KCND3: variants seen among roughly 807,000 people sequenced by gnomAD.
KCND3 encodes A-type voltage-gated potassium channel KCND3.
A neutral mutation model predicts 51.1 loss-of-function variants in KCND3; 9 were observed. The observed-to-expected ratio is 0.18, with a 90% CI of 0.11 to 0.31. The LOEUF is 0.31. Ranked by LOEUF, KCND3 falls within the 10% of genes least tolerant of loss-of-function variation. KCND3 has a pLI of 1.00. For synonymous variants in KCND3, 349 were observed against 368.0 expected, an observed-to-expected ratio of 0.95 and a Z score of 0.59; for missense variants, 526 against 903.8, an observed-to-expected ratio of 0.58 and a Z score of 5.36.
chr1:111,840,244 T>C (rs1290560815), intron 2 of KCND3, among the ~76,000 whole-genome samples: 1 of 152,154 alleles, frequency 6.6e-6, no homozygotes, highest in South Asian at 2.1e-4. Context: ...GGTTCCAACA[T>C]ATGAACTTTT....
chr1:111,803,545 C>A (rs1011148308), intron 2 of KCND3, among the ~76,000 whole-genome samples: 1 of 152,150 alleles, frequency 6.6e-6, no homozygotes, highest in Non-Finnish European at 1.5e-5. Flanking sequence ...CTCCTCACCC[C>A]GTCAGAGAAA....
Position 111,777,346 on chromosome 1 carries a change from T to C in KCND3, c.1519-73A>G, listed in dbSNP as rs187410310. 10 of 1,507,664 alleles carry C rather than the reference T, an allele frequency of 6.6e-6. No homozygotes were observed. The Admixed American group carries it at 1.5e-4, about 23-fold the overall frequency. 93.4% of individuals were successfully genotyped at this position (1,507,664 alleles called of 1,614,324 possible). ...GAGAGGTAAGCCCCTATACTCTGTA[T>C]GGCTGCCTGTCTCTGTTCTGGACCT... On this transcript the variant is annotated intron_variant, in intron 6 of 7. Coordinates refer to ENST00000302127, the MANE Select transcript of KCND3 (RefSeq NM_001378969.1).
chr1:111,822,124 C>T (rs1666378350), intron 2 of KCND3, among the ~76,000 whole-genome samples: 1 of 150,138 alleles, frequency 6.7e-6, no homozygotes, highest in African/African-American at 2.5e-5. Context: ...TCTTTTTATT[C>T]TAAAGATTTA....
intron 2 of KCND3, among the ~76,000 whole-genome samples, chr1:111,950,415 A>AGG (rs1335954989): frequency 2.0e-5 from 3 of 152,158 alleles, no homozygotes; most frequent in Non-Finnish European, 2.9e-5. Flanking sequence ...GGATTGGATC[A>AGG]AGTGCAAGAC....
intron 2 of KCND3, among the ~76,000 whole-genome samples, chr1:111,814,702 A>C (rs1666005140): frequency 6.6e-6 from 1 of 152,210 alleles, no homozygotes; most frequent in Admixed American, 6.5e-5. Context: ...GGAGCCTGAA[A>C]GTTATTGCCA....
chr1:111,942,457 G>A (rs946037311), intron 2 of KCND3, among the ~76,000 whole-genome samples: 3 of 152,232 alleles, frequency 2.0e-5, no homozygotes, highest in Non-Finnish European at 4.4e-5. Flanking sequence ...CCGAGTCCAT[G>A]CCAGGCAGGC....
intron 2 of KCND3, among the ~76,000 whole-genome samples, chr1:111,867,635 A>G (rs1445641726): frequency 6.6e-6 from 1 of 152,144 alleles, no homozygotes; most frequent in Non-Finnish European, 1.5e-5. Context: ...TTCTTGCTAA[A>G]GTGTTGATTT....
intron 2 of KCND3, among the ~76,000 whole-genome samples, chr1:111,944,936 T>C (rs1672707752): frequency 6.6e-6 from 1 of 152,222 alleles, no homozygotes; most frequent in Admixed American, 6.5e-5. Context: ...CTGCCAATTG[T>C]CTGCCTGCTT....
At chr1:111,935,532 A>G (rs906134232) in intron 2 of KCND3, among the ~76,000 whole-genome samples, 1 of 152,224 alleles carries the variant, frequency 6.6e-6, no homozygotes, top group African/African-American at 2.4e-5. Flanking sequence ...AACCTTTAGT[A>G]TTTTGGTGAT....
intron 2 of KCND3, among the ~76,000 whole-genome samples, chr1:111,953,453 C>T (rs939648795): frequency 3.3e-5 from 5 of 152,208 alleles, no homozygotes; most frequent in African/African-American, 1.2e-4. Flanking sequence ...AAAGGGAAGG[C>T]GATGTGTCAC....
At chr1:111,958,463 T>C (rs1045445989) in intron 2 of KCND3, among the ~76,000 whole-genome samples, 2 of 152,188 alleles carry the variant, frequency 1.3e-5, no homozygotes, top group African/African-American at 4.8e-5. Flanking sequence ...TGAGCTTCAC[T>C]TAGTTCTCTG....
At chr1:111,965,309 A>C (rs1051343175) in intron 2 of KCND3, among the ~76,000 whole-genome samples, 2 of 151,970 alleles carry the variant, frequency 1.3e-5, no homozygotes, top group African/African-American at 4.8e-5. Flanking sequence ...TGAAGAGGTA[A>C]TCTTCCAAGA....
intron 2 of KCND3, among the ~76,000 whole-genome samples, chr1:111,967,509 A>T (rs1456433640): frequency 1.3e-5 from 2 of 152,160 alleles, no homozygotes; most frequent in African/African-American, 4.8e-5. Context: ...CTGCCAGCTC[A>T]CCGTCAAGTA....
chr1:111,777,403 A>C, intron 6 of KCND3, 130 bp from the exon 7 acceptor site: 1 of 958,144 alleles, frequency 1.0e-6, no homozygotes, highest in Non-Finnish European at 1.7e-6. Context: ...CCCGGATCAC[A>C]GATAAGCATT....
At chr1:111,969,561 T>A (rs61790307) in intron 2 of KCND3, among the ~76,000 whole-genome samples, 1,696 of 152,274 alleles carry the variant, frequency 0.011, 14 homozygotes, top group Non-Finnish European at 0.019. Flanking sequence ...CAGATAATAG[T>A]AATACTGCTC....
chr1:111,774,818 C>T lies in KCND3; in HGVS notation c.*1259G>A, dbSNP rs1415643506. The T allele has an allele frequency of 3.9e-5, 6 of 152,202 alleles. No homozygotes were observed. The highest frequency in any genetic ancestry group is 7.3e-5 in the Non-Finnish European group (5 of 68,092). 9.4% of individuals were successfully genotyped at this position (152,202 alleles called of 1,614,324 possible). ...CTGCCCTCTCTGGAGAAAACTACTCCCGGGGCCTCTTGGAAGGGCTCTGGA... is the reference window on the plus strand; with the variant it reads ...CTGCCCTCTCTGGAGAAAACTACTCTCGGGGCCTCTTGGAAGGGCTCTGGA... On this transcript the variant is annotated 3_prime_UTR_variant, in exon 8 of 8. Coordinates refer to ENST00000302127, the MANE Select transcript of KCND3 (RefSeq NM_001378969.1).
chr1:111,937,828 G>C (rs1012712429), intron 2 of KCND3, among the ~76,000 whole-genome samples: 33 of 152,296 alleles, frequency 2.2e-4, no homozygotes, highest in Admixed American at 2.1e-3. Context: ...TTCTGGGCTG[G>C]GGAGCCAAGA....
Position 111,829,092 on chromosome 1 carries a change from T to C in KCND3, c.1107-41986A>G, listed in dbSNP as rs1405073044. ...AGTTTCACTGTAGTAAGAGAGAAAG[T>C]CATGTGAGCAAATGGTTGCGCTGCA... On this transcript the variant is annotated intron_variant, in intron 2 of 7. Transcript: ENST00000302127. Among the ~76,000 whole-genome samples the C allele has an allele frequency of 2.6e-5, 4 of 152,330 alleles. No individual in the cohort carries two copies. The East Asian group carries it at 7.7e-4, about 29-fold the overall frequency.
At chr1:111,866,944 T>C (rs765916529) in intron 2 of KCND3, among the ~76,000 whole-genome samples, 1 of 152,202 alleles carries the variant, frequency 6.6e-6, no homozygotes, top group Non-Finnish European at 1.5e-5. Flanking sequence ...AAGGGCACTG[T>C]GATCTTTTAA....
Sources: allele counts gnomAD v4.1 joint callset (sites outside exome capture counted in the v4.1 genomes callset), GRCh38; gene constraint gnomAD v4.1.1; transcripts MANE v1.5; gene names NCBI Gene and HGNC (gene_info 2026-07-23, HGNC 2026-07-21).